PAAF1: variants seen among roughly 807,000 people sequenced by gnomAD.
PAAF1 encodes proteasomal ATPase associated factor 1, also known as proteasomal ATPase-associated factor 1.
PAAF1 carries 46 observed loss-of-function variants against 52.8 expected under a neutral mutation model. That is an observed-to-expected ratio of 0.87 (90% CI 0.69 to 1.11). The LOEUF is 1.11. PAAF1 is among the 50% of genes most tolerant of loss of function. PAAF1 has a pLI of 0.00. For synonymous variants in PAAF1, 178 were observed against 172.8 expected (o/e 1.03, Z -0.24); for missense variants, 424 against 477.4 (o/e 0.89, Z 1.04).
chr11:73,893,266 C>T (rs1009886687), intron 4 of PAAF1, among the ~76,000 whole-genome samples: 17 of 152,176 alleles, frequency 1.1e-4, no homozygotes, highest in Admixed American at 5.2e-4. Context: ...TGCCGCTTAA[C>T]TGATGTATAG....
At chr11:73,890,161 T>A (rs538378734) in intron 3 of PAAF1, among the ~76,000 whole-genome samples, 1 of 152,276 alleles carries the variant, frequency 6.6e-6, no homozygotes, top group Non-Finnish European at 1.5e-5. Flanking sequence ...CCTCAGTTCC[T>A]TATAGGAGAT....
chr11:73,905,689 C>T (rs1949736278), intron 6 of PAAF1, among the ~76,000 whole-genome samples: 1 of 151,798 alleles, frequency 6.6e-6, no homozygotes, highest in African/African-American at 2.4e-5. Context: ...GATAATTTTC[C>T]ACTCTGCTTT....
chr11:73,919,795 A>T (rs919310691), intron 10 of PAAF1, among the ~76,000 whole-genome samples: 1 of 152,188 alleles, frequency 6.6e-6, no homozygotes, highest in African/African-American at 2.4e-5. Context: ...CTACCTACCT[A>T]CCTTGAGCAT....
chr11:73,882,682 A>G (rs1948949729), intron 2 of PAAF1, among the ~76,000 whole-genome samples: 1 of 151,898 alleles, frequency 6.6e-6, no homozygotes, highest in Non-Finnish European at 1.5e-5. Flanking sequence ...GGCTCACTGC[A>G]AGCTCCGCCT....
intron 4 of PAAF1, among the ~76,000 whole-genome samples, chr11:73,896,776 C>T (rs1158341073): frequency 6.6e-6 from 1 of 152,220 alleles, no homozygotes; most frequent in Non-Finnish European, 1.5e-5. Flanking sequence ...ACAAAACCGC[C>T]ATTGTCCTCA....
chr11:73,923,916 G>A (rs1427124368), intron 10 of PAAF1, among the ~76,000 whole-genome samples: 1 of 151,162 alleles, frequency 6.6e-6, no homozygotes, highest in East Asian at 1.9e-4. Context: ...TTTTAATAGG[G>A]AATATCTACA....
chr11:73,923,768 A>G (rs1950287694), intron 10 of PAAF1, among the ~76,000 whole-genome samples: 1 of 152,096 alleles, frequency 6.6e-6, no homozygotes, highest in South Asian at 2.1e-4. Context: ...CAGTTTATAG[A>G]TCACCCCTAT....
Position 73,903,815 on chromosome 11 carries a change from G to A in PAAF1, c.532+3395G>A, listed in dbSNP as rs150921020. Among the ~76,000 whole-genome samples the A allele has an allele frequency of 5.4e-3, 810 of 150,934 alleles. 5 individuals are homozygous for A. The highest frequency in any genetic ancestry group is 8.0e-3 in the Non-Finnish European group (544 of 67,786). ...TTAAAAAAAATTGGCCGGGCGCAGCGTCTCACCCCTGTAATCCCAGTACTT... is the reference window on the plus strand; with the variant it reads ...TTAAAAAAAATTGGCCGGGCGCAGCATCTCACCCCTGTAATCCCAGTACTT... On this transcript the variant is annotated intron_variant, in intron 6 of 11. Coordinates refer to ENST00000310571, the MANE Select transcript of PAAF1 (RefSeq NM_025155.3).
intron 10 of PAAF1, chr11:73,921,968 C>T (rs1591133405): frequency 1.1e-5 from 10 of 893,030 alleles, no homozygotes; most frequent in Middle Eastern, 2.6e-4. Context: ...CACTCAGAAA[C>T]GTAGACAGAG....
intron 7 of PAAF1, among the ~76,000 whole-genome samples, chr11:73,910,460 TTGAC>T (rs912072905): frequency 7.8e-4 from 118 of 152,244 alleles, no homozygotes; most frequent in African/African-American, 2.7e-3. Context: ...AAAGATATGT[TTGAC>T]TGGGCTAGAA....
At chr11:73,896,973 G>A (rs1415247810) in intron 4 of PAAF1, among the ~76,000 whole-genome samples, 1 of 135,270 alleles carries the variant, frequency 7.4e-6, no homozygotes, top group African/African-American at 2.8e-5. Flanking sequence ...TGGCCGGGCG[G>A]GGGGGCTGAC....
Position 73,927,852 on chromosome 11 carries a change from A to C in PAAF1, c.*490A>C, listed in dbSNP as rs1950403727. 1 of 155,014 alleles carries C rather than the reference A, an allele frequency of 6.5e-6. No homozygotes were observed. Among genetic ancestry groups the C allele is most frequent in the African/African-American group, 2.4e-5 (1 of 41,482 alleles). 9.6% of individuals were successfully genotyped at this position (155,014 alleles called of 1,614,324 possible). Reference sequence around the variant, plus strand: ...TAGAGAAGGCCTGCTTGGCAGTAGCAATAAATGTCCTGTAAGCTGCCACCT... The same window carrying C: ...TAGAGAAGGCCTGCTTGGCAGTAGCCATAAATGTCCTGTAAGCTGCCACCT... On this transcript the variant is annotated 3_prime_UTR_variant, in exon 12 of 12. Transcript: ENST00000310571.
chr11:73,914,521 T>TTGGCTCA lies in PAAF1; in HGVS notation c.819+17_819+18insTGGCTCA. The TTGGCTCA allele has an allele frequency of 6.2e-7, 1 of 1,612,636 alleles. No individual in the cohort carries two copies. The highest frequency in any genetic ancestry group is 2.2e-5 in the East Asian group (1 of 44,854). Reference sequence around the variant, plus strand: ...AGGCAGCTGGCAAGTGGTTCCTATATGACCTTTGAACTCTGAGGCAACCTG... The same window carrying TTGGCTCA: ...AGGCAGCTGGCAAGTGGTTCCTATATTGGCTCAGACCTTTGAACTCTGAGGCAACCTG... On this transcript the variant is annotated intron_variant, in intron 8 of 11. Transcript: ENST00000310571.
intron 2 of PAAF1, chr11:73,886,803 C>A (rs1208257376): frequency 5.1e-6 from 1 of 197,496 alleles, no homozygotes; most frequent in Non-Finnish European, 1.1e-5. Context: ...ATTTAATCCT[C>A]AGTGTTGGAG....
intron 5 of PAAF1, among the ~76,000 whole-genome samples, chr11:73,899,558 T>C (rs1473050433): frequency 6.6e-6 from 1 of 152,008 alleles, no homozygotes; most frequent in Non-Finnish European, 1.5e-5. Flanking sequence ...ATTACAGGCA[T>C]GTGCCACCAC....
intron 4 of PAAF1, among the ~76,000 whole-genome samples, chr11:73,893,570 CTGT>C: frequency 6.6e-6 from 1 of 151,486 alleles, no homozygotes; most frequent in African/African-American, 2.4e-5. Flanking sequence ...AACCCCGTCT[CTGT>C]TAAAAATACA....
At chr11:73,921,960 C>T (rs764779247) in intron 10 of PAAF1, 17 of 915,328 alleles carry the variant, frequency 1.9e-5, no homozygotes, top group Non-Finnish European at 3.0e-5. Context: ...CCTTCAGACA[C>T]TCAGAAACGT....
rs1365905630 is a variant in PAAF1, at chr11:73,928,589, T to A, written c.*1227T>A. 2.0e-5 allele frequency: 3 copies of A among 152,242 alleles called. No homozygotes were observed. Among genetic ancestry groups the A allele is most frequent in the African/African-American group, 7.2e-5 (3 of 41,466 alleles). The allele number at this position is 152,242 out of a possible 1,614,324, so 9.4% of individuals were successfully genotyped here. The stretch of plus-strand genomic sequence containing the variant: ...TGTCCAGAATATGGATACCATATTA[T>A]TTATATTTTTGAGATTATTAGAGAA... On this transcript the variant is annotated 3_prime_UTR_variant, in exon 12 of 12. Coordinates refer to ENST00000310571, the MANE Select transcript of PAAF1 (RefSeq NM_025155.3).
intron 9 of PAAF1, among the ~76,000 whole-genome samples, chr11:73,917,020 A>T (rs572263643): frequency 6.6e-6 from 1 of 152,024 alleles, no homozygotes; most frequent in Non-Finnish European, 1.5e-5. Context: ...AATTATTTTT[A>T]TTTATTTATT....
Sources: gnomAD v4.1 joint callset for allele counts (sites outside exome capture counted in the v4.1 genomes callset) on GRCh38, gnomAD v4.1.1 for gene constraint, MANE v1.5 for transcripts, NCBI Gene and HGNC (gene_info 2026-07-23, HGNC 2026-07-21) for gene names.